DNAH11: variants seen among roughly 807,000 people sequenced by gnomAD.
DNAH11 encodes axonemal beta dynein heavy chain 11.
In DNAH11, 442 loss-of-function variants were observed where a neutral mutation model predicts 526.0. The ratio of observed to expected loss-of-function variants is 0.84; its 90% CI spans 0.78 to 0.91. DNAH11 has a LOEUF of 0.91. Ranked by LOEUF, DNAH11 falls within the 40% of genes least tolerant of loss-of-function variation. The probability of loss-of-function intolerance (pLI) is 0.00; values close to 1 mark genes in which losing one functional copy is unlikely to be tolerated. For missense variants in DNAH11, 6,989 were observed against 5,448.7 expected, an observed-to-expected ratio of 1.28 and a Z score of -8.90; for synonymous variants, 2,461 against 1,935.9, an observed-to-expected ratio of 1.27 and a Z score of -7.12.
At chr7:21,878,215 G>A (rs1447646298) in intron 74 of DNAH11, among the ~76,000 whole-genome samples, 1 of 152,180 alleles carries the variant, frequency 6.6e-6, no homozygotes, top group Non-Finnish European at 1.5e-5. Flanking sequence ...CAGAAAGCCT[G>A]ATTCATATTT....
intron 28 of DNAH11, among the ~76,000 whole-genome samples, chr7:21,653,758 A>C (rs925095182): frequency 1.3e-5 from 2 of 152,226 alleles, no homozygotes; most frequent in Non-Finnish European, 2.9e-5. Context: ...CGAGAGTCTC[A>C]AAAACTCATC....
intron 28 of DNAH11, 57 bp downstream of exon 28, chr7:21,639,122 C>T (rs781244982): frequency 8.6e-6 from 13 of 1,518,320 alleles, no homozygotes; most frequent in Middle Eastern, 1.7e-4. Flanking sequence ...AATGTCATAG[C>T]GTCTCTATCA....
chr7:21,711,007 G>T (rs529976182), intron 41 of DNAH11, among the ~76,000 whole-genome samples: 1 of 152,214 alleles, frequency 6.6e-6, no homozygotes, highest in South Asian at 2.1e-4. Context: ...ATTGTATCTT[G>T]TCATCTTTGA....
At chr7:21,822,612 A>G (rs757369688) in intron 65 of DNAH11, among the ~76,000 whole-genome samples, 10 of 152,186 alleles carry the variant, frequency 6.6e-5, no homozygotes, top group African/African-American at 2.2e-4. Context: ...TACTTTTGCA[A>G]TATACTGATT....
intron 20 of DNAH11, among the ~76,000 whole-genome samples, chr7:21,613,468 T>C (rs1055545899): frequency 2.0e-5 from 3 of 152,142 alleles, no homozygotes; most frequent in Admixed American, 2.0e-4. Flanking sequence ...TAATAAAACA[T>C]TTTAAAACTA....
chr7:21,731,710 G>A (rs1479219780), intron 45 of DNAH11, among the ~76,000 whole-genome samples: 2 of 152,102 alleles, frequency 1.3e-5, no homozygotes, highest in Non-Finnish European at 2.9e-5. Flanking sequence ...CCAAAGATAA[G>A]CAATTTATAA....
At chr7:21,791,593 T>G (rs1788481930) in intron 61 of DNAH11, among the ~76,000 whole-genome samples, 1 of 152,144 alleles carries the variant, frequency 6.6e-6, no homozygotes, top group Admixed American at 6.5e-5. Flanking sequence ...TTTCTTTCCC[T>G]CTTAAGAGCT....
chr7:21,802,615 T>C (rs1789043825), intron 62 of DNAH11, among the ~76,000 whole-genome samples: 1 of 152,140 alleles, frequency 6.6e-6, no homozygotes, highest in Admixed American at 6.5e-5. Context: ...ATCCATATAA[T>C]GTTAATAGCA....
chr7:21,900,819 G>A (rs1189730043), intron 81 of DNAH11, 188 bp from the exon 82 acceptor site: 1 of 834,778 alleles, frequency 1.2e-6, no homozygotes, highest in Non-Finnish European at 1.7e-6. Context: ...GCAAAGCGGT[G>A]CCTCCGCTGC....
chr7:21,634,554 G>C (rs374983819), intron 25 of DNAH11, among the ~76,000 whole-genome samples: 1 of 152,170 alleles, frequency 6.6e-6, no homozygotes, highest in Non-Finnish European at 1.5e-5. Context: ...TCATAGAATA[G>C]TGAGAAATAC....
intron 24 of DNAH11, 133 bp downstream of exon 24, chr7:21,619,355 A>G: frequency 2.0e-6 from 2 of 1,003,850 alleles, no homozygotes; most frequent in Non-Finnish European, 2.9e-6. Flanking sequence ...CCTGCTGTTC[A>G]TTAGGTGTGG....
In DNAH11 at chr7:21,744,617, A is replaced by G; in HGVS notation, c.8316+18A>G. The G allele has an allele frequency of 1.2e-6, 2 of 1,611,554 alleles. No homozygotes were observed. The highest frequency in any genetic ancestry group is 1.7e-6 in the Non-Finnish European group (2 of 1,179,394). Reference sequence around the variant, plus strand: ...ATTTTGAAGTAAGCGTATGAATGTCAGAGGTCACTACTTACTCCAACACCA... The same window carrying G: ...ATTTTGAAGTAAGCGTATGAATGTCGGAGGTCACTACTTACTCCAACACCA... On this transcript the variant is annotated intron_variant, in intron 50 of 81. Transcript: ENST00000409508.
rs115640239 is a variant in DNAH11 at position 21,829,882 on chromosome 7, T to A, written c.10691+11543T>A. Among the ~76,000 whole-genome samples the A allele has an allele frequency of 8.1e-3, 1,234 of 152,304 alleles. 18 individuals are homozygous for A. The highest frequency in any genetic ancestry group is 0.027 in the African/African-American group (1,106 of 41,562). On this transcript the variant is annotated intron_variant, in intron 65 of 81. Coordinates refer to ENST00000409508, the MANE Select transcript of DNAH11 (RefSeq NM_001277115.2). ...GGAAACTGATCATTGGGAACAGTGT[T>A]TGAATTGTTCTGTCACAGAAGTACT...
chr7:21,764,808 A>C (rs1003875463), intron 54 of DNAH11, among the ~76,000 whole-genome samples: 3 of 152,248 alleles, frequency 2.0e-5, no homozygotes, highest in African/African-American at 7.2e-5. Context: ...GCTACACAAA[A>C]CTTTAGATTT....
Position 21,719,300 on chromosome 7 carries a change from T to C in DNAH11, c.7134+1375T>C, listed in dbSNP as rs1784786500. On this transcript the variant is annotated intron_variant, in intron 43 of 81. Transcript: ENST00000409508. The stretch of plus-strand genomic sequence containing the variant: ...GACCTGAAATGGCTATCTTGAGAAA[T>C]TAATGCACTCTGTTTTCCGATATAT... Among the ~76,000 whole-genome samples the C allele has an allele frequency of 3.3e-5, 5 of 152,372 alleles. 1 individual carries two copies. In the South Asian group the frequency reaches 1.0e-3, roughly 32 times the overall value.
chr7:21,685,502 AT>A (rs958589648), intron 32 of DNAH11, among the ~76,000 whole-genome samples: 1 of 152,256 alleles, frequency 6.6e-6, no homozygotes, highest in African/African-American at 2.4e-5. Context: ...TCTTTGAATT[AT>A]TTACTAATTG....
At chr7:21,860,253 G>A (rs527852710) in intron 68 of DNAH11, among the ~76,000 whole-genome samples, 2 of 151,278 alleles carry the variant, frequency 1.3e-5, no homozygotes, top group East Asian at 3.9e-4. Flanking sequence ...ACCACAATGA[G>A]ATATCACCTC....
intron 45 of DNAH11, among the ~76,000 whole-genome samples, chr7:21,733,245 G>C (rs950649287): frequency 6.6e-6 from 1 of 152,160 alleles, no homozygotes; most frequent in Non-Finnish European, 1.5e-5. Context: ...AAAATTAGCT[G>C]GGTATGGTGG....
At chr7:21,897,772 A>G (rs1034380912) in intron 79 of DNAH11, among the ~76,000 whole-genome samples, 1 of 152,062 alleles carries the variant, frequency 6.6e-6, no homozygotes, top group African/African-American at 2.4e-5. Context: ...ATGTGCCACC[A>G]TGCCCGGCCA....
Sources: allele counts gnomAD v4.1 joint callset (sites outside exome capture counted in the v4.1 genomes callset), GRCh38; gene constraint gnomAD v4.1.1; transcripts MANE v1.5; gene names NCBI Gene and HGNC (gene_info 2026-07-23, HGNC 2026-07-21).